The following ASAP2 variants were observed in gnomAD, a reference collection of about 807,000 sequenced individuals.
ASAP2 encodes the protein arf-GAP with SH3 domain, ANK repeat and PH domain-containing protein 2.
In ASAP2, 45 loss-of-function variants were observed where a neutral mutation model predicts 131.4. The observed-to-expected ratio is 0.34, with a 90% confidence interval of 0.27 to 0.44. The LOEUF (loss-of-function observed/expected upper bound fraction) is 0.44. Ranked by LOEUF, ASAP2 falls within the 20% of genes least tolerant of loss-of-function variation. The pLI, the probability that ASAP2 is intolerant of heterozygous loss-of-function variation, is 1.00. For synonymous variants in ASAP2, 510 were observed against 503.0 expected, an observed-to-expected ratio of 1.01 and a Z score of -0.19; for missense variants, 1,011 against 1,297.0, an observed-to-expected ratio of 0.78 and a Z score of 3.39.
chr2:9,214,780 A>T (rs1661883312), intron 1 of ASAP2, among the ~76,000 whole-genome samples: 1 of 123,798 alleles, frequency 8.1e-6, no homozygotes, highest in African/African-American at 3.5e-5. Flanking sequence ...GGACGTCTAA[A>T]AAAAAAAAAA....
chr2:9,400,055 G>T lies in ASAP2; in HGVS notation c.2717G>T (p.Gly906Val), dbSNP rs560173303. Reference sequence around the variant, plus strand: ...AAGTCCACCCCACTGACCAACAAAGGCCAACCGAGAGGACCTGGTAATTAT... The same window carrying T: ...AAGTCCACCCCACTGACCAACAAAGTCCAACCGAGAGGACCTGGTAATTAT... The part of the protein sequence containing the change: ...ADKSTPLTNK[G>V]QPRGPVDLSA... Residue 906 changes from glycine (G) to valine (V), a missense_variant, in exon 25 of 28, where the codon GGC becomes GTC. Physicochemically the swap from Gly to Val is moderately radical, Grantham distance 109. Around this residue, in one of 2 missense-constraint regions of ASAP2, gnomAD observed 652 missense variants for 698.9 expected, o/e 0.93. Coordinates refer to ENST00000281419, the MANE Select transcript of ASAP2 (RefSeq NM_003887.3). 3.1e-6 allele frequency: 5 copies of T among 1,613,352 alleles called. No individual in the cohort carries two copies. The South Asian group carries it at 5.5e-5, about 18-fold the overall frequency.
chr2:9,330,994 G>A (rs984480785), intron 7 of ASAP2, among the ~76,000 whole-genome samples: 1 of 152,240 alleles, frequency 6.6e-6, no homozygotes, highest in Non-Finnish European at 1.5e-5. Flanking sequence ...AGGGTACAAC[G>A]TGGAGCTCGA....
intron 3 of ASAP2, among the ~76,000 whole-genome samples, chr2:9,307,587 C>G (rs1241345880): frequency 6.6e-6 from 1 of 152,206 alleles, no homozygotes. Context: ...TTGTTGGTGG[C>G]TGACTGACAT....
chr2:9,329,081 T>A (rs1002853452), intron 7 of ASAP2, among the ~76,000 whole-genome samples: 1 of 152,166 alleles, frequency 6.6e-6, no homozygotes, highest in South Asian at 2.1e-4. Flanking sequence ...TGAGGAGACA[T>A]GGATCTGAGA....
At chr2:9,278,135 A>C (rs980773904) in intron 1 of ASAP2, among the ~76,000 whole-genome samples, 7 of 152,198 alleles carry the variant, frequency 4.6e-5, no homozygotes, top group Non-Finnish European at 7.3e-5. Flanking sequence ...AGGGTGCTTC[A>C]TTTAGTTTTC....
At chr2:9,265,918 G>A (rs1356877235) in intron 1 of ASAP2, among the ~76,000 whole-genome samples, 6 of 152,108 alleles carry the variant, frequency 3.9e-5, no homozygotes, top group African/African-American at 7.2e-5. Flanking sequence ...GATTACAGGC[G>A]CGTGCCACCA....
In ASAP2 at chr2:9,207,984, G is replaced by A. The variant is rs752209473; in HGVS notation, c.126+754G>A. Among the ~76,000 whole-genome samples the A allele has an allele frequency of 6.6e-6, 1 of 152,182 alleles. No homozygotes were observed. The highest frequency in any genetic ancestry group is 1.5e-5 in the Non-Finnish European group (1 of 68,030). On this transcript the variant is annotated intron_variant, in intron 1 of 27. Transcript: ENST00000281419. The surrounding 1 kb of genome is among the most constrained non-coding windows in gnomAD (Gnocchi z 4.1). ...TAGCTGCTAAGCAGTACGCTCTCCA[G>A]GTCCTGGGGAGAGGAACACGTAGGA... is the stretch of plus-strand genomic sequence containing the variant.
intron 1 of ASAP2, among the ~76,000 whole-genome samples, chr2:9,237,311 A>G (rs192722704): frequency 6.6e-6 from 1 of 152,296 alleles, no homozygotes; most frequent in Non-Finnish European, 1.5e-5. Context: ...TTTCTCATTT[A>G]CATTGTGACT....
chr2:9,258,045 A>T (rs1038183516), intron 1 of ASAP2, among the ~76,000 whole-genome samples: 2 of 151,944 alleles, frequency 1.3e-5, no homozygotes, highest in African/African-American at 4.8e-5. Flanking sequence ...TATTACTGCT[A>T]CCCCCACAAC....
chr2:9,379,143 A>G, intron 19 of ASAP2, 84 bp downstream of exon 19: 2 of 930,900 alleles, frequency 2.1e-6, no homozygotes, highest in Non-Finnish European at 3.0e-6. Flanking sequence ...TGCTCTTGGA[A>G]ACAGGGCCAA....
intron 3 of ASAP2, among the ~76,000 whole-genome samples, chr2:9,314,279 C>T (rs1558321593): frequency 6.6e-6 from 1 of 152,238 alleles, no homozygotes; most frequent in Non-Finnish European, 1.5e-5. Context: ...CCACCACACT[C>T]AGCCTCCTTT....
chr2:9,399,954 TA>T, intron 24 of ASAP2, 68 bp from the exon 25 acceptor site: 1 of 1,504,190 alleles, frequency 6.6e-7, no homozygotes, highest in Non-Finnish European at 9.2e-7. Context: ...GGTTCTCTGA[TA>T]AAAGGGGATG....
At chr2:9,313,435 A>T (rs1349144151) in intron 3 of ASAP2, among the ~76,000 whole-genome samples, 1 of 152,040 alleles carries the variant, frequency 6.6e-6, no homozygotes, top group African/African-American at 2.4e-5. Context: ...TCATGTGTGT[A>T]CTCCCGCTTC....
intron 16 of ASAP2, among the ~76,000 whole-genome samples, chr2:9,370,039 C>T (rs1673815127): frequency 6.6e-6 from 1 of 152,140 alleles, no homozygotes; most frequent in African/African-American, 2.4e-5. Context: ...GGGGTTTCAC[C>T]ATGTTGGTCA....
At chr2:9,266,948 T>C (rs1194925997) in intron 1 of ASAP2, among the ~76,000 whole-genome samples, 2 of 152,176 alleles carry the variant, frequency 1.3e-5, no homozygotes, top group Non-Finnish European at 2.9e-5. Flanking sequence ...CCCTTTTGCT[T>C]CCTGTGGTCA....
chr2:9,394,357 G>A (rs1675954584), intron 24 of ASAP2, among the ~76,000 whole-genome samples: 1 of 152,012 alleles, frequency 6.6e-6, no homozygotes, highest in African/African-American at 2.4e-5. Context: ...GTAGAGACGA[G>A]GTTTCGCCGT....
chr2:9,320,349 C>A lies in ASAP2; in HGVS notation c.470+12C>A. On this transcript the variant is annotated intron_variant, in intron 5 of 27. Transcript: ENST00000281419. ...TATGAAACAAAAATGTGAGTGTTCT[C>A]GTTTTTAAATTTACGTATAGGTAAT... 6.2e-7 allele frequency: 1 copy of A among 1,606,650 alleles called. No individual in the cohort carries two copies. Among genetic ancestry groups the A allele is most frequent in the South Asian group, 1.1e-5 (1 of 89,678 alleles).
At chr2:9,254,457 A>G (rs1389241552) in intron 1 of ASAP2, among the ~76,000 whole-genome samples, 1 of 145,722 alleles carries the variant, frequency 6.9e-6, no homozygotes, top group Non-Finnish European at 1.5e-5. Context: ...GGTTCAAGCA[A>G]TTCTCCTGCC....
intron 15 of ASAP2, among the ~76,000 whole-genome samples, chr2:9,360,569 C>A (rs1276514622): frequency 6.6e-6 from 1 of 152,160 alleles, no homozygotes; most frequent in African/African-American, 2.4e-5. Flanking sequence ...GAAAAAAGAA[C>A]CCTGGTTTGC....
Sources: gnomAD v4.1 joint callset for allele counts (sites outside exome capture counted in the v4.1 genomes callset) on GRCh38, gnomAD v4.1.1 for gene constraint, gnomAD v4.1.1 regional missense constraint, Gnocchi (gnomAD v3.1) non-coding constraint, MANE v1.5 for transcripts, NCBI Gene and HGNC (gene_info 2026-07-23, HGNC 2026-07-21) for gene names.